The following SUPT3H variants were observed in gnomAD, a reference collection of about 807,000 sequenced individuals.
The protein encoded by SUPT3H is SPT3 homolog, SAGA and STAGA complex component, also known as transcription initiation protein SPT3 homolog.
A neutral mutation model predicts 44.3 loss-of-function variants in SUPT3H; 44 were observed. That is an observed-to-expected ratio of 0.99 (90% CI 0.78 to 1.28). The LOEUF (loss-of-function observed/expected upper bound fraction) is 1.28, where lower values mean the gene tolerates loss of function less well. SUPT3H is among the 50% of genes most tolerant of loss of function. The pLI is 0.00. For synonymous variants in SUPT3H, 124 were observed against 125.6 expected (o/e 0.99, Z 0.09); for missense variants, 380 against 387.1 (o/e 0.98, Z 0.15).
At chr6:45,021,539 C>A (rs1345627990) in intron 3 of SUPT3H, among the ~76,000 whole-genome samples, 1 of 151,884 alleles carries the variant, frequency 6.6e-6, no homozygotes, top group Admixed American at 6.6e-5. Context: ...TTGATCAAAT[C>A]TTACGGATTG....
At chr6:45,293,702 T>C (rs1388922432) in intron 2 of SUPT3H, among the ~76,000 whole-genome samples, 1 of 152,162 alleles carries the variant, frequency 6.6e-6, no homozygotes, top group Non-Finnish European at 1.5e-5. Context: ...AAGGCTACTA[T>C]GAAGACCTTT....
intron 2 of SUPT3H, among the ~76,000 whole-genome samples, chr6:45,351,339 A>G (rs1792005028): frequency 6.6e-6 from 1 of 152,130 alleles, no homozygotes; most frequent in Non-Finnish European, 1.5e-5. Flanking sequence ...ACTAAATTCA[A>G]CACCTACCAG....
At chr6:45,305,936 T>G (rs975652888) in intron 2 of SUPT3H, among the ~76,000 whole-genome samples, 2 of 152,236 alleles carry the variant, frequency 1.3e-5, no homozygotes, top group Admixed American at 1.3e-4. Context: ...AAACCAGCTA[T>G]CACACAGAGC....
chr6:45,187,438 A>G (rs902044327), intron 2 of SUPT3H, among the ~76,000 whole-genome samples: 4 of 151,660 alleles, frequency 2.6e-5, no homozygotes, highest in African/African-American at 4.8e-5. Flanking sequence ...GACAACCCAC[A>G]CACAGATTTA....
At position 44,834,003 on chromosome 6, in the gene SUPT3H, A is replaced by ACTT. The variant is rs556284374; in HGVS notation, c.913-4149_913-4147dup. On this transcript the variant is annotated intron_variant, in intron 10 of 10. Coordinates refer to ENST00000371459, the MANE Select transcript of SUPT3H (RefSeq NM_003599.4). ...CAACTACTGCTTATTTTCCAAACTA[A>ACTT]CTTTAAGAATAGTGTATAGTATAGA... Among the ~76,000 whole-genome samples the ACTT allele has an allele frequency of 2.2e-3, 330 of 152,292 alleles. 1 individual carries two copies. Among genetic ancestry groups the ACTT allele is most frequent in the African/African-American group, 7.6e-3 (316 of 41,566 alleles).
At chr6:45,263,375 A>G (rs537654823) in intron 2 of SUPT3H, among the ~76,000 whole-genome samples, 6 of 152,282 alleles carry the variant, frequency 3.9e-5, no homozygotes, top group African/African-American at 1.4e-4. Context: ...GCAAATTAAC[A>G]AAGGAACAGT....
chr6:45,323,689 A>G (rs994854106), intron 2 of SUPT3H, among the ~76,000 whole-genome samples: 11 of 152,154 alleles, frequency 7.2e-5, no homozygotes, highest in African/African-American at 2.4e-4. Context: ...ATATCCTCTA[A>G]TCCTATTTAA....
intron 2 of SUPT3H, among the ~76,000 whole-genome samples, chr6:45,193,111 T>G (rs1474291884): frequency 6.6e-6 from 1 of 152,144 alleles, no homozygotes; most frequent in African/African-American, 2.4e-5. Flanking sequence ...TAAGGGACCA[T>G]GACCACCACG....
chr6:45,121,670 T>G (rs887078469), intron 2 of SUPT3H, among the ~76,000 whole-genome samples: 6 of 152,124 alleles, frequency 3.9e-5, no homozygotes, highest in Non-Finnish European at 7.4e-5. Context: ...TTTTTGGGTT[T>G]TTTTGTTTTT....
intron 3 of SUPT3H, among the ~76,000 whole-genome samples, chr6:45,035,178 T>C (rs1484204280): frequency 7.9e-5 from 12 of 152,184 alleles, no homozygotes; most frequent in Admixed American, 7.2e-4. Context: ...AGATGTACTC[T>C]TAAAATGCAT....
intron 3 of SUPT3H, among the ~76,000 whole-genome samples, chr6:45,103,742 C>T (rs1798905779): frequency 6.6e-6 from 1 of 152,018 alleles, no homozygotes; most frequent in Non-Finnish European, 1.5e-5. Flanking sequence ...GAATTGATAC[C>T]TAGTGTTCAA....
chr6:45,318,320 A>G (rs931973763), intron 2 of SUPT3H, among the ~76,000 whole-genome samples: 2 of 152,264 alleles, frequency 1.3e-5, no homozygotes, highest in Non-Finnish European at 2.9e-5. Flanking sequence ...ATTCTGGATG[A>G]CACCGTAATT....
chr6:44,924,974 G>A (rs1451215755), intron 10 of SUPT3H, among the ~76,000 whole-genome samples: 7 of 152,024 alleles, frequency 4.6e-5, no homozygotes. Flanking sequence ...CAAACCTAAT[G>A]TGCTCATGAC....
intron 5 of SUPT3H, among the ~76,000 whole-genome samples, chr6:45,012,232 T>C (rs1251253154): frequency 6.6e-6 from 1 of 151,990 alleles, no homozygotes; most frequent in Non-Finnish European, 1.5e-5. Flanking sequence ...TTTCAGTCAT[T>C]ATTTCTTGAA....
At chr6:44,887,414 C>A (rs1762499892) in intron 10 of SUPT3H, among the ~76,000 whole-genome samples, 1 of 152,184 alleles carries the variant, frequency 6.6e-6, no homozygotes, top group African/African-American at 2.4e-5. Flanking sequence ...TTATAACAAA[C>A]TGTCTCTCAG....
chr6:45,107,880 T>A (rs113741780), intron 2 of SUPT3H, among the ~76,000 whole-genome samples: 1 of 152,132 alleles, frequency 6.6e-6, no homozygotes, highest in Non-Finnish European at 1.5e-5. Flanking sequence ...GTAATTTATG[T>A]TTTTTTAAAA....
intron 2 of SUPT3H, among the ~76,000 whole-genome samples, chr6:45,318,125 C>CTA (rs1323177518): frequency 6.6e-6 from 1 of 151,904 alleles, no homozygotes; most frequent in Non-Finnish European, 1.5e-5. Flanking sequence ...AAAGGCAATA[C>CTA]TATAGACAGA....
At chr6:45,020,782 G>A in intron 3 of SUPT3H, 150 bp from the exon 4 acceptor site, 1 of 500,538 alleles carries the variant, frequency 2.0e-6, no homozygotes, top group Non-Finnish European at 3.5e-6. Flanking sequence ...AGAGTAAAAT[G>A]TCTTATGTTT....
At position 44,975,064 on chromosome 6, in the gene SUPT3H, G is replaced by A. The variant is rs537663739; in HGVS notation, c.505-13236C>T. ...TGGGTGCCTGTAATCCTAGCTAGTC[G>A]GGAGGTTGAGGCAGGGGAATCACTT... On this transcript the variant is annotated intron_variant, in intron 6 of 10. Transcript: ENST00000371459. Among the ~76,000 whole-genome samples the A allele has an allele frequency of 1.9e-3, 283 of 152,088 alleles. 2 individuals are homozygous for A. The highest frequency in any genetic ancestry group is 0.01 in the Middle Eastern group (3 of 294).
Sources: gnomAD v4.1 joint callset for allele counts (sites outside exome capture counted in the v4.1 genomes callset) on GRCh38, gnomAD v4.1.1 for gene constraint, MANE v1.5 for transcripts, NCBI Gene and HGNC (gene_info 2026-07-23, HGNC 2026-07-21) for gene names.